BABAM2: variants seen among roughly 807,000 people sequenced by gnomAD.
BABAM2 encodes BRISC and BRCA1-A complex member 2.
BABAM2 carries 31 observed loss-of-function variants against 54.7 expected under a neutral mutation model. The observed-to-expected ratio is 0.57, with a 90% CI of 0.43 to 0.77. The LOEUF (loss-of-function observed/expected upper bound fraction) is 0.77. Among genes scored for constraint, BABAM2 ranks in the 30% least tolerant of loss-of-function variants. The probability of loss-of-function intolerance (pLI) is 0.00; values close to 1 mark genes in which losing one functional copy is unlikely to be tolerated. For synonymous variants in BABAM2, 167 were observed against 162.9 expected, an observed-to-expected ratio of 1.03 and a Z score of -0.19; for missense variants, 364 against 455.8, an observed-to-expected ratio of 0.80 and a Z score of 1.83.
intron 2 of BABAM2, among the ~76,000 whole-genome samples, chr2:27,911,276 A>G (rs1004156815): frequency 6.6e-6 from 1 of 152,212 alleles, no homozygotes; most frequent in Non-Finnish European, 1.5e-5. Flanking sequence ...TGAACATTCT[A>G]TTACATGTCT....
chr2:27,958,029 A>C (rs577358068), intron 3 of BABAM2, among the ~76,000 whole-genome samples: 1 of 152,194 alleles, frequency 6.6e-6, no homozygotes, highest in Non-Finnish European at 1.5e-5. Context: ...CCCAGGCATC[A>C]GAAATGTCAG....
chr2:28,266,735 C>T (rs576131661), intron 10 of BABAM2, among the ~76,000 whole-genome samples: 77 of 152,292 alleles, frequency 5.1e-4, no homozygotes, highest in Non-Finnish European at 7.8e-4. Flanking sequence ...TTCTGTTTTC[C>T]AAAAACAAAG....
intron 3 of BABAM2, among the ~76,000 whole-genome samples, chr2:27,963,054 T>C (rs1280928813): frequency 7.9e-5 from 12 of 152,220 alleles, no homozygotes; most frequent in Admixed American, 7.2e-4. Context: ...ATTCCTTTTA[T>C]AGTGTTGATC....
intron 7 of BABAM2, 152 bp from the exon 8 acceptor site, chr2:28,237,050 T>C: frequency 3.2e-6 from 2 of 626,660 alleles, no homozygotes; most frequent in South Asian, 4.0e-5. Context: ...TACAGAAATG[T>C]AATCATAAAG....
At chr2:28,292,831 C>G (rs1050016229) in intron 10 of BABAM2, among the ~76,000 whole-genome samples, 4 of 152,166 alleles carry the variant, frequency 2.6e-5, no homozygotes, top group Admixed American at 2.6e-4. Context: ...TGAGTGATAT[C>G]CAGCACTGTC....
chr2:28,319,684 GA>G (rs1171687269), intron 11 of BABAM2, among the ~76,000 whole-genome samples: 1 of 152,236 alleles, frequency 6.6e-6, no homozygotes, highest in African/African-American at 2.4e-5. Context: ...CCCATGCTGG[GA>G]GCAGAGAGTT....
intron 10 of BABAM2, among the ~76,000 whole-genome samples, chr2:28,247,431 A>G (rs905157165): frequency 7.9e-5 from 12 of 152,346 alleles, no homozygotes; most frequent in Non-Finnish European, 1.2e-4. Flanking sequence ...AGCATCTGAC[A>G]CTTACCTTCC....
intron 6 of BABAM2, among the ~76,000 whole-genome samples, chr2:28,056,367 T>A (rs1275430783): frequency 1.3e-5 from 2 of 152,242 alleles, no homozygotes; most frequent in Admixed American, 6.5e-5. Flanking sequence ...ATATATCCCA[T>A]AACATCAGAT....
chr2:28,335,154 CTTTTTTTTTTT>C (rs56135926), intron 11 of BABAM2, among the ~76,000 whole-genome samples: 1 of 71,524 alleles, frequency 1.4e-5, no homozygotes. Flanking sequence ...CTCCCACCTT[CTTTTTTTTTTT>C]TTTTTTTTTT....
intron 6 of BABAM2, among the ~76,000 whole-genome samples, chr2:28,063,885 A>G (rs144690919): frequency 4.5e-4 from 68 of 152,240 alleles, no homozygotes; most frequent in Admixed American, 7.9e-4. Context: ...TTTTAAGATG[A>G]GGAAACCTAA....
At chr2:28,046,830 T>A (rs1430996116) in intron 6 of BABAM2, among the ~76,000 whole-genome samples, 2 of 151,986 alleles carry the variant, frequency 1.3e-5, no homozygotes, top group African/African-American at 4.8e-5. Context: ...TCACCCAAGC[T>A]GGAGTGTAGT....
At chr2:28,311,822 T>C (rs986165665) in intron 11 of BABAM2, among the ~76,000 whole-genome samples, 2 of 152,184 alleles carry the variant, frequency 1.3e-5, no homozygotes, top group Non-Finnish European at 2.9e-5. Flanking sequence ...CAGACACAAA[T>C]TGAAAACATT....
chr2:27,894,316 G>T (rs1248749375), intron 1 of BABAM2, among the ~76,000 whole-genome samples: 2 of 152,190 alleles, frequency 1.3e-5, no homozygotes, highest in African/African-American at 2.4e-5. Flanking sequence ...AGTTCCTTCT[G>T]TTCCTGAAAA....
rs78459113 is a variant in BABAM2, at chr2:28,200,654, T to G, written c.681-36548T>G. Among the ~76,000 whole-genome samples the G allele has an allele frequency of 6.8e-3, 1,040 of 152,338 alleles. 43 individuals are homozygous for G. The East Asian group carries it at 0.13, about 19-fold the overall frequency. ...CAGCCAATCAGATTCAAGCAATAGA[T>G]AGCATCCTTAACCTTCCCAAAAATA... On this transcript the variant is annotated intron_variant, in intron 7 of 11. Transcript: ENST00000379624.
chr2:28,105,410 C>T (rs1022968198), intron 6 of BABAM2, among the ~76,000 whole-genome samples: 2 of 152,098 alleles, frequency 1.3e-5, no homozygotes, highest in Non-Finnish European at 2.9e-5. Context: ...GAGAACTTGC[C>T]TCATTCATCT....
chr2:27,925,890 C>T (rs1396720095), intron 2 of BABAM2, among the ~76,000 whole-genome samples: 1 of 152,204 alleles, frequency 6.6e-6, no homozygotes, highest in East Asian at 1.9e-4. Context: ...TGTCTCCTCA[C>T]TGAAGACTGT....
At chr2:27,943,774 A>G (rs1669097993) in intron 3 of BABAM2, among the ~76,000 whole-genome samples, 1 of 152,150 alleles carries the variant, frequency 6.6e-6, no homozygotes, top group Non-Finnish European at 1.5e-5. Context: ...AAAGATTGTT[A>G]TTATCTAGCA....
At chr2:28,287,251 T>G (rs2148211817) in intron 10 of BABAM2, among the ~76,000 whole-genome samples, 1 of 152,388 alleles carries the variant, frequency 6.6e-6, no homozygotes, top group African/African-American at 2.4e-5. Flanking sequence ...GTAATTTATT[T>G]AAGGATTCTT....
intron 10 of BABAM2, among the ~76,000 whole-genome samples, chr2:28,271,400 G>T (rs1685419157): frequency 6.6e-6 from 1 of 151,698 alleles, no homozygotes; most frequent in Admixed American, 6.6e-5. Context: ...GAACCAACAT[G>T]ATTTCCTCTC....
Sources: allele counts gnomAD v4.1 joint callset (sites outside exome capture counted in the v4.1 genomes callset), GRCh38; gene constraint gnomAD v4.1.1; transcripts MANE v1.5; gene names NCBI Gene and HGNC (gene_info 2026-07-23, HGNC 2026-07-21).